The following GMDS variants were observed in gnomAD, a reference collection of about 807,000 sequenced individuals.
The protein encoded by GMDS is GDP-mannose 4,6 dehydratase.
A neutral mutation model predicts 49.9 loss-of-function variants in GMDS; 20 were observed. The ratio of observed to expected loss-of-function variants is 0.40; its 90% CI spans 0.28 to 0.58. The LOEUF is 0.58. Among genes scored for constraint, GMDS ranks in the 20% least tolerant of loss-of-function variants. The probability of loss-of-function intolerance (pLI) is 0.42; values close to 1 mark genes in which losing one functional copy is unlikely to be tolerated. For synonymous variants in GMDS, 177 were observed against 178.6 expected (o/e 0.99, Z 0.07); for missense variants, 362 against 481.4 (o/e 0.75, Z 2.32).
chr6:1,624,707 C>T (rs911976215), intron 9 of GMDS, 167 bp from the exon 10 acceptor site: 2 of 611,532 alleles, frequency 3.3e-6, no homozygotes, highest in South Asian at 2.0e-5. Context: ...CTCTCGGCGC[C>T]GTAAATCACT....
At chr6:1,947,423 T>C (rs1763123234) in intron 6 of GMDS, among the ~76,000 whole-genome samples, 1 of 152,218 alleles carries the variant, frequency 6.6e-6, no homozygotes, top group African/African-American at 2.4e-5. Flanking sequence ...CCTGGGTACC[T>C]CTACCAAGCC....
Position 1,674,401 on chromosome 6 carries a change from T to G in GMDS, c.988-49861A>C, listed in dbSNP as rs538257156. ...TTGAGTTTTAAGAGTTCTTTGTACA[T>G]TCTAGATAATCAGTCCTTTACTGAC... On this transcript the variant is annotated intron_variant, in intron 9 of 10. Coordinates refer to ENST00000380815, the MANE Select transcript of GMDS (RefSeq NM_001500.4). Among the ~76,000 whole-genome samples, 4 of 152,248 alleles carry G rather than the reference T, an allele frequency of 2.6e-5. 1 individual carries two copies. Among genetic ancestry groups the G allele is most frequent in the African/African-American group, 9.6e-5 (4 of 41,534 alleles).
chr6:1,637,810 C>T (rs562334200), intron 9 of GMDS, among the ~76,000 whole-genome samples: 12 of 152,186 alleles, frequency 7.9e-5, no homozygotes, highest in East Asian at 1.9e-4. Context: ...CAGCAACATG[C>T]CCCCTGTCCT....
chr6:2,213,547 A>C (rs901741335), intron 1 of GMDS, among the ~76,000 whole-genome samples: 1 of 152,238 alleles, frequency 6.6e-6, no homozygotes, highest in East Asian at 1.9e-4. Context: ...CAGTTCTACT[A>C]TAGTTTGGGG....
chr6:1,850,941 A>T (rs1485306968), intron 7 of GMDS, among the ~76,000 whole-genome samples: 6 of 152,212 alleles, frequency 3.9e-5, no homozygotes, highest in Admixed American at 3.9e-4. Flanking sequence ...TGTGGGAATT[A>T]GGTATAACCA....
chr6:2,059,761 T>C (rs1362332953), intron 4 of GMDS, among the ~76,000 whole-genome samples: 1 of 121,280 alleles, frequency 8.2e-6, no homozygotes, highest in Non-Finnish European at 1.8e-5. Context: ...GAAAAAAAAA[T>C]GTATTTAATC....
intron 7 of GMDS, among the ~76,000 whole-genome samples, chr6:1,782,559 C>T (rs1450999999): frequency 6.6e-6 from 1 of 152,066 alleles, no homozygotes; most frequent in Non-Finnish European, 1.5e-5. Flanking sequence ...TTCGTATTAC[C>T]CATAGAAGGA....
chr6:2,201,519 A>G (rs1445410973), intron 1 of GMDS, among the ~76,000 whole-genome samples: 1 of 123,398 alleles, frequency 8.1e-6, no homozygotes. Flanking sequence ...GTGAAGGATG[A>G]AGAGAGAGCA....
intron 4 of GMDS, among the ~76,000 whole-genome samples, chr6:2,100,683 G>C (rs1773870713): frequency 6.6e-6 from 1 of 151,902 alleles, no homozygotes; most frequent in Non-Finnish European, 1.5e-5. Context: ...AGTCAAGATA[G>C]TATACATAGC....
chr6:2,093,864 T>C (rs1773452766), intron 4 of GMDS, among the ~76,000 whole-genome samples: 1 of 152,192 alleles, frequency 6.6e-6, no homozygotes, highest in South Asian at 2.1e-4. Flanking sequence ...TAATATTATG[T>C]CACTTTTGTA....
rs190083243 is a variant in GMDS at position 1,963,066 on chromosome 6, G to A, written c.346-2100C>T. 2.4e-4 allele frequency among the ~76,000 whole-genome samples: 37 copies of A among 151,448 alleles called. No individual in the cohort carries two copies. In the East Asian group the frequency reaches 6.4e-3, roughly 26 times the overall value. The stretch of plus-strand genomic sequence containing the variant: ...TAATTTTTGTATTCTTAGTAGAGAC[G>A]TGGTTTCACCATGTTGACTAGGGTG... On this transcript the variant is annotated intron_variant, in intron 4 of 10. Coordinates refer to ENST00000380815, the MANE Select transcript of GMDS (RefSeq NM_001500.4).
At chr6:2,195,455 G>T (rs569960040) in intron 1 of GMDS, among the ~76,000 whole-genome samples, 1 of 152,062 alleles carries the variant, frequency 6.6e-6, no homozygotes, top group Non-Finnish European at 1.5e-5. Flanking sequence ...TAATTTTCTT[G>T]AACTTTGCTG....
At chr6:1,909,126 A>G (rs1174561119) in intron 7 of GMDS, among the ~76,000 whole-genome samples, 4 of 152,240 alleles carry the variant, frequency 2.6e-5, no homozygotes, top group East Asian at 1.9e-4. Context: ...TAAAAAGAGC[A>G]TATCATACAT....
chr6:1,867,543 C>A (rs1758498937), intron 7 of GMDS, among the ~76,000 whole-genome samples: 1 of 152,136 alleles, frequency 6.6e-6, no homozygotes, highest in Non-Finnish European at 1.5e-5. Context: ...ATGTTTTCAT[C>A]CTAACACTCA....
intron 7 of GMDS, among the ~76,000 whole-genome samples, chr6:1,848,797 A>T (rs1262485641): frequency 1.3e-5 from 2 of 152,190 alleles, no homozygotes; most frequent in African/African-American, 4.8e-5. Context: ...GAGTGTAGGC[A>T]TCACCTAGGA....
chr6:1,720,266 G>C lies in GMDS; in HGVS notation c.987+6150C>G, dbSNP rs376305188. 1.3e-3 allele frequency among the ~76,000 whole-genome samples: 205 copies of C among 152,258 alleles called. 2 individuals are homozygous for C. The highest frequency in any genetic ancestry group is 4.4e-3 in the African/African-American group (181 of 41,560). ...ACCGAGGAAAGAACCCAGGCTTCAG[G>C]AGGAATGTTATATGGCCCTTGGGGA... On this transcript the variant is annotated intron_variant, in intron 9 of 10. Coordinates refer to ENST00000380815, the MANE Select transcript of GMDS (RefSeq NM_001500.4).
At chr6:2,120,205 T>C (rs748395669) in intron 2 of GMDS, among the ~76,000 whole-genome samples, 18 of 152,200 alleles carry the variant, frequency 1.2e-4, no homozygotes, top group Admixed American at 4.6e-4. Context: ...CTTACTATAA[T>C]ATTACTGGTC....
chr6:2,170,625 TTAAAAAAAAA>T (rs1777950345), intron 1 of GMDS, among the ~76,000 whole-genome samples: 1 of 149,492 alleles, frequency 6.7e-6, no homozygotes, highest in Non-Finnish European at 1.5e-5. Flanking sequence ...TGACCCTGCC[TTAAAAAAAAA>T]TAAAAAAAAA....
chr6:1,894,621 A>G (rs181286927), intron 7 of GMDS, among the ~76,000 whole-genome samples: 1 of 152,272 alleles, frequency 6.6e-6, no homozygotes, highest in East Asian at 1.9e-4. Flanking sequence ...TGTTATACCT[A>G]TTTTTTAATT....
Sources: allele counts gnomAD v4.1 joint callset (sites outside exome capture counted in the v4.1 genomes callset), GRCh38; gene constraint gnomAD v4.1.1; transcripts MANE v1.5; gene names NCBI Gene and HGNC (gene_info 2026-07-23, HGNC 2026-07-21).